The following VIT variants were observed in gnomAD, a reference collection of about 807,000 sequenced individuals.
VIT encodes vitrin.
Under a neutral mutation model 78.0 loss-of-function variants are expected in VIT, and 99 were observed. The ratio of observed to expected loss-of-function variants is 1.27; its 90% confidence interval spans 1.08 to 1.50. The LOEUF (loss-of-function observed/expected upper bound fraction) is 1.50, where lower values mean the gene tolerates loss of function less well. Ranked by LOEUF, VIT falls within the 40% of genes most tolerant of loss-of-function variation. The pLI, the probability that VIT is intolerant of heterozygous loss-of-function variation, is 0.00. For missense variants in VIT, 1,126 were observed against 875.3 expected (o/e 1.29, Z -3.61); for synonymous variants, 374 against 334.3 (o/e 1.12, Z -1.29).
intron 5 of VIT, among the ~76,000 whole-genome samples, chr2:36,756,444 G>A (rs955060261): frequency 6.6e-6 from 1 of 152,190 alleles, no homozygotes; most frequent in African/African-American, 2.4e-5. Context: ...ACAGGGAAGA[G>A]AGAAATGTTT....
At chr2:36,768,029 T>A (rs1669537069) in intron 7 of VIT, among the ~76,000 whole-genome samples, 1 of 152,220 alleles carries the variant, frequency 6.6e-6, no homozygotes, top group Non-Finnish European at 1.5e-5. Flanking sequence ...CTTGTTCTTT[T>A]CAGGCTCGCC....
In VIT at chr2:36,716,360, T is replaced by C. The variant is rs780596899; in HGVS notation, c.-11T>C. ...TTGTTTCTTTCTCTCCAGGGTGTCA[T>C]TCTGATATTTATGAGGACTGTTGTT... On this transcript the variant is annotated 5_prime_UTR_variant, in exon 2 of 16. Coordinates refer to ENST00000379242, the MANE Select transcript of VIT (RefSeq NM_053276.4). 2.2e-5 allele frequency: 35 copies of C among 1,613,570 alleles called. 1 individual carries two copies. The highest frequency in any genetic ancestry group is 3.3e-4 in the Middle Eastern group (2 of 6,034).
chr2:36,743,403 T>C (rs1383451888), intron 4 of VIT, 147 bp downstream of exon 4: 1 of 919,648 alleles, frequency 1.1e-6, no homozygotes, highest in Admixed American at 3.0e-5. Context: ...TAAAAAGTGC[T>C]TTTACTGGAT....
At chr2:36,756,553 C>G (rs1668779551) in intron 5 of VIT, among the ~76,000 whole-genome samples, 1 of 152,190 alleles carries the variant, frequency 6.6e-6, no homozygotes, top group African/African-American at 2.4e-5. Flanking sequence ...GAGTCGTTAG[C>G]AGGACAACAA....
At chr2:36,784,767 C>T (rs866968976) in intron 11 of VIT, among the ~76,000 whole-genome samples, 1 of 152,242 alleles carries the variant, frequency 6.6e-6, no homozygotes, top group Non-Finnish European at 1.5e-5. Context: ...TCACACTGAA[C>T]ATTGTATAAC....
At chr2:36,721,678 C>G (rs560011851) in intron 2 of VIT, among the ~76,000 whole-genome samples, 1 of 152,140 alleles carries the variant, frequency 6.6e-6, no homozygotes, top group African/African-American at 2.4e-5. Context: ...TGTCACTCAC[C>G]GTAGCCCCCA....
intron 2 of VIT, among the ~76,000 whole-genome samples, chr2:36,724,099 A>T (rs1234529153): frequency 6.6e-6 from 1 of 151,218 alleles, no homozygotes; most frequent in Non-Finnish European, 1.5e-5. Context: ...GCTCATTGCA[A>T]CCTCCACCTT....
In VIT at chr2:36,814,156, T is replaced by A. The variant is rs375518501; in HGVS notation, c.1904-27T>A. ...TAGCAGCACCTTTACTTGGGGACATTTGTTCATCTAACCTTTGTCCCCACA... is the reference window on the plus strand; with the variant it reads ...TAGCAGCACCTTTACTTGGGGACATATGTTCATCTAACCTTTGTCCCCACA... On this transcript the variant is annotated intron_variant, in intron 15 of 15. Coordinates refer to ENST00000379242, the MANE Select transcript of VIT (RefSeq NM_053276.4). The A allele has an allele frequency of 1.9e-6, 3 of 1,603,714 alleles. No homozygotes were observed. In the African/African-American group the frequency reaches 4.0e-5, roughly 21 times the overall value.
chr2:36,806,691 C>A (rs1313491224), intron 14 of VIT, among the ~76,000 whole-genome samples: 1 of 152,164 alleles, frequency 6.6e-6, no homozygotes, highest in African/African-American at 2.4e-5. Context: ...GGACTACAGG[C>A]ACACACCACC....
chr2:36,760,687 A>G (rs1669063259), intron 6 of VIT, among the ~76,000 whole-genome samples: 2 of 152,152 alleles, frequency 1.3e-5, no homozygotes, highest in Non-Finnish European at 2.9e-5. Context: ...TGATGTGTGT[A>G]GATATCGAAG....
intron 1 of VIT, among the ~76,000 whole-genome samples, chr2:36,711,048 C>T (rs954187927): frequency 7.9e-5 from 12 of 152,182 alleles, no homozygotes; most frequent in African/African-American, 2.9e-4. Flanking sequence ...TGCCAGTCCT[C>T]CACATCCTCA....
At position 36,814,603 on chromosome 2, in the gene VIT, T is replaced by C. The variant is rs1572598184; in HGVS notation, c.*242T>C. 5 of 483,510 alleles carry C rather than the reference T, an allele frequency of 1.0e-5. No individual in the cohort carries two copies. The highest frequency in any genetic ancestry group is 1.8e-5 in the Non-Finnish European group (5 of 279,654). 30.0% of individuals were successfully genotyped at this position (483,510 alleles called of 1,614,324 possible). A position where few individuals can be genotyped will look rare whatever the true frequency, so the allele number is the denominator to read the frequency against. On this transcript the variant is annotated 3_prime_UTR_variant, in exon 16 of 16. Transcript: ENST00000379242. The stretch of plus-strand genomic sequence containing the variant: ...ATCATGTTGAGGGTGCTGGAGATTT[T>C]ACATTTTGACAATTGTTTTCAAAAT...
Position 36,729,446 on chromosome 2 carries a change from C to T in VIT, c.73C>T (p.His25Tyr), listed in dbSNP as rs1261146889. 5 of 1,608,064 alleles carry T rather than the reference C, an allele frequency of 3.1e-6. No homozygotes were observed. Among genetic ancestry groups the T allele is most frequent in the Non-Finnish European group, 3.4e-6 (4 of 1,177,630 alleles). Residue 25 changes from histidine to tyrosine, a missense_variant, in exon 3 of 16, where the codon CAT becomes TAT. By Grantham distance (83) the His-to-Tyr change is moderately conservative. Coordinates refer to ENST00000379242, the MANE Select transcript of VIT (RefSeq NM_053276.4). ...MFLVLLVTGV[H>Y]SNKETAKKIK... ...TGTAGTTTTGCTGGTGACTGGAGTA[C>T]ATTCAAACAAAGAAACGGCAAAGAA...
At chr2:36,776,688 G>A (rs545729160) in intron 9 of VIT, among the ~76,000 whole-genome samples, 3 of 152,112 alleles carry the variant, frequency 2.0e-5, no homozygotes, top group South Asian at 4.2e-4. Flanking sequence ...CCAGTTACTC[G>A]GGAGGCTGAG....
At chr2:36,750,246 G>A (rs1455371567) in intron 4 of VIT, among the ~76,000 whole-genome samples, 1 of 152,238 alleles carries the variant, frequency 6.6e-6, no homozygotes, top group African/African-American at 2.4e-5. Flanking sequence ...ACGCACACGT[G>A]TTTGCACACC....
At position 36,794,782 on chromosome 2, in the gene VIT, TA is replaced by T. The variant is rs554291331; in HGVS notation, c.1059-6516del. On this transcript the variant is annotated intron_variant, in intron 12 of 15. Transcript: ENST00000379242. Reference sequence around the variant, plus strand: ...GATCCAACCTTTCGATCTATTTAAATAAATAAATGTGGTAGAGGTTCTGTTC... The same window carrying T: ...GATCCAACCTTTCGATCTATTTAAATAATAAATGTGGTAGAGGTTCTGTTC... Among the ~76,000 whole-genome samples the T allele has an allele frequency of 4.6e-5, 7 of 152,294 alleles. No homozygotes were observed. In the South Asian group the frequency reaches 1.5e-3, roughly 32 times the overall value.
intron 12 of VIT, among the ~76,000 whole-genome samples, chr2:36,792,166 T>C (rs901502208): frequency 6.6e-6 from 1 of 152,098 alleles, no homozygotes; most frequent in Non-Finnish European, 1.5e-5. Flanking sequence ...AGCTTGGTAT[T>C]TTAATCTGTA....
chr2:36,802,447 A>C (rs1214702150), intron 13 of VIT, among the ~76,000 whole-genome samples: 1 of 152,252 alleles, frequency 6.6e-6, no homozygotes, highest in African/African-American at 2.4e-5. Context: ...CCTCAGAGTT[A>C]CAGTAAATCC....
At chr2:36,806,567 G>T (rs572353327) in intron 14 of VIT, among the ~76,000 whole-genome samples, 1 of 151,830 alleles carries the variant, frequency 6.6e-6, no homozygotes, top group African/African-American at 2.4e-5. Context: ...TCTTTTTTCA[G>T]ACGGAGTCTC....
Sources: allele counts gnomAD v4.1 joint callset (sites outside exome capture counted in the v4.1 genomes callset), GRCh38; gene constraint gnomAD v4.1.1; transcripts MANE v1.5; gene names NCBI Gene and HGNC (gene_info 2026-07-23, HGNC 2026-07-21).